Variants in NRG1 observed in about 807,000 individuals in gnomAD.
NRG1 encodes the protein pro-neuregulin-1, membrane-bound isoform.
Under a neutral mutation model 63.8 loss-of-function variants are expected in NRG1, and 18 were observed. The observed-to-expected ratio is 0.28, with a 90% CI of 0.19 to 0.42. The LOEUF is 0.42. Among genes scored for constraint, NRG1 ranks in the 10% least tolerant of loss-of-function variants. The pLI, the probability that NRG1 is intolerant of heterozygous loss-of-function variation, is 1.00. For missense variants in NRG1, 762 were observed against 814.7 expected (o/e 0.94, Z 0.79); for synonymous variants, 302 against 301.3 (o/e 1.00, Z -0.02).
chr8:32,247,911 C>G (rs1044159689), intron 1 of NRG1, among the ~76,000 whole-genome samples: 3 of 152,030 alleles, frequency 2.0e-5, no homozygotes, highest in African/African-American at 7.2e-5. Flanking sequence ...TGTTTTTAAA[C>G]AGAGGCAAAA....
At chr8:32,512,977 T>G (rs534655394) in intron 1 of NRG1, among the ~76,000 whole-genome samples, 7 of 152,260 alleles carry the variant, frequency 4.6e-5, no homozygotes, top group African/African-American at 1.7e-4. Context: ...TTTATTTGTT[T>G]TAGTTTTAAG....
chr8:31,799,391 C>T (rs972322138), intron 1 of NRG1, among the ~76,000 whole-genome samples: 2 of 152,026 alleles, frequency 1.3e-5, no homozygotes, highest in Non-Finnish European at 2.9e-5. Context: ...TTAAGTGAGA[C>T]ATATCAGTTA....
At chr8:32,465,727 T>A (rs1482211262) in intron 1 of NRG1, among the ~76,000 whole-genome samples, 6 of 149,362 alleles carry the variant, frequency 4.0e-5, no homozygotes, top group Non-Finnish European at 7.4e-5. Context: ...TGAAGAGAAG[T>A]ATTCAGGAAA....
chr8:32,056,211 G>A (rs990304985), intron 1 of NRG1, among the ~76,000 whole-genome samples: 2 of 152,008 alleles, frequency 1.3e-5, no homozygotes, highest in African/African-American at 4.8e-5. Flanking sequence ...CCAAATTTTC[G>A]GAAAGTTGCG....
intron 1 of NRG1, among the ~76,000 whole-genome samples, chr8:32,404,834 C>T (rs1363528046): frequency 1.3e-5 from 2 of 152,132 alleles, no homozygotes; most frequent in African/African-American, 4.8e-5. Flanking sequence ...ATCCACCTGC[C>T]TTGGCCTTCC....
chr8:31,709,240 G>T (rs1811495374), intron 1 of NRG1, among the ~76,000 whole-genome samples: 2 of 146,908 alleles, frequency 1.4e-5, no homozygotes, highest in Non-Finnish European at 1.5e-5. Flanking sequence ...TTTCATCTAT[G>T]GAAATTATCT....
intron 1 of NRG1, among the ~76,000 whole-genome samples, chr8:32,329,767 A>G (rs1204598881): frequency 6.6e-6 from 1 of 152,196 alleles, no homozygotes; most frequent in East Asian, 1.9e-4. Flanking sequence ...AGTATTAAGG[A>G]CACAAAAATA....
At chr8:32,082,239 C>A (rs1827570772) in intron 1 of NRG1, among the ~76,000 whole-genome samples, 1 of 150,770 alleles carries the variant, frequency 6.6e-6, no homozygotes, top group Non-Finnish European at 1.5e-5. Context: ...TTCCAGGGTA[C>A]ATATGCAGAT....
chr8:32,452,295 G>T (rs1391692774), intron 1 of NRG1, among the ~76,000 whole-genome samples: 4 of 152,184 alleles, frequency 2.6e-5, no homozygotes, highest in Non-Finnish European at 4.4e-5. Flanking sequence ...TGCTACAGTT[G>T]TGATGTGAAC....
intron 1 of NRG1, among the ~76,000 whole-genome samples, chr8:32,284,520 T>C (rs193258555): frequency 1.3e-5 from 2 of 151,212 alleles, no homozygotes; most frequent in African/African-American, 4.9e-5. Flanking sequence ...CCTTCCTTCC[T>C]TCCTTCCTTC....
chr8:31,876,453 T>C (rs1014580475), intron 1 of NRG1, among the ~76,000 whole-genome samples: 4 of 152,190 alleles, frequency 2.6e-5, no homozygotes, highest in African/African-American at 9.6e-5. Context: ...TGTGCTTCAG[T>C]GTCTTTGATT....
rs116629524 is a variant in NRG1, at chr8:32,555,392, T to G, written c.100+6566T>G. Among the ~76,000 whole-genome samples, 333 of 152,322 alleles carry G rather than the reference T, an allele frequency of 2.2e-3. 2 individuals carry two copies. Among genetic ancestry groups the G allele is most frequent in the African/African-American group, 7.7e-3 (320 of 41,578 alleles). On this transcript the variant is annotated intron_variant, in intron 1 of 11. Coordinates refer to ENST00000356819, the Ensembl canonical transcript of NRG1. ...TCCTCAACCCAGGGGCAACAAATGT[T>G]TAGGAGCCCCACTTTGATTGAGTGC...
intron 1 of NRG1, among the ~76,000 whole-genome samples, chr8:32,517,260 C>A (rs1354004420): frequency 2.0e-5 from 3 of 152,028 alleles, no homozygotes; most frequent in Non-Finnish European, 4.4e-5. Flanking sequence ...GGAGTACTTA[C>A]CCACCTTCTT....
chr8:32,245,371 G>C (rs1319414409), intron 1 of NRG1, among the ~76,000 whole-genome samples: 3 of 152,166 alleles, frequency 2.0e-5, no homozygotes, highest in African/African-American at 2.4e-5. Flanking sequence ...AGGCTTCACA[G>C]TTTGGTACAA....
At chr8:31,762,030 G>A (rs1317845560) in intron 1 of NRG1, among the ~76,000 whole-genome samples, 2 of 152,116 alleles carry the variant, frequency 1.3e-5, no homozygotes, top group Non-Finnish European at 2.9e-5. Context: ...TTTTTGTATA[G>A]CATTGAAAAA....
chr8:31,855,514 G>C (rs953537282), intron 1 of NRG1, among the ~76,000 whole-genome samples: 1 of 152,090 alleles, frequency 6.6e-6, no homozygotes, highest in South Asian at 2.1e-4. Context: ...GTCTCTGCAC[G>C]TGAGATGGGT....
At chr8:32,529,536 G>C (rs1418430286) in intron 1 of NRG1, among the ~76,000 whole-genome samples, 1 of 152,054 alleles carries the variant, frequency 6.6e-6, no homozygotes, top group Admixed American at 6.6e-5. Flanking sequence ...TTAAAACACA[G>C]ACACATTGTA....
intron 1 of NRG1, among the ~76,000 whole-genome samples, chr8:31,699,448 TGCCCAA>T (rs1245178793): frequency 1.3e-5 from 2 of 152,192 alleles, no homozygotes; most frequent in African/African-American, 4.8e-5. Context: ...ATTGTTTAGT[TGCCCAA>T]GTTGTGTCTT....
At position 32,717,726 on chromosome 8, in the gene NRG1, G is replaced by A. The variant is rs75019358; in HGVS notation, c.503-10223G>A. Among the ~76,000 whole-genome samples the A allele has an allele frequency of 5.3e-5, 8 of 152,262 alleles. No individual in the cohort carries two copies. In the East Asian group the frequency reaches 1.2e-3, roughly 22 times the overall value. ...TTGGCTAAATGGTATATAGCAACGT[G>A]CAGTCTGGGGTTTTAGAGAGGCGTG... On this transcript the variant is annotated intron_variant, in intron 5 of 11. Coordinates refer to ENST00000356819, the Ensembl canonical transcript of NRG1.
Sources: gnomAD v4.1 joint callset for allele counts (sites outside exome capture counted in the v4.1 genomes callset) on GRCh38, gnomAD v4.1.1 for gene constraint, MANE v1.5 for transcripts, NCBI Gene and HGNC (gene_info 2026-07-23, HGNC 2026-07-21) for gene names.